The following ODAD2 variants were observed in gnomAD, a reference collection of about 807,000 sequenced individuals.
ODAD2 encodes the protein outer dynein arm-docking complex subunit 2.
A neutral mutation model predicts 106.8 loss-of-function variants in ODAD2; 89 were observed. The observed-to-expected ratio is 0.83, with a 90% confidence interval of 0.70 to 0.99. The LOEUF is 0.99. ODAD2 is among the 50% of genes least tolerant of loss of function. The probability of loss-of-function intolerance (pLI) is 0.00; values close to 1 mark genes in which losing one functional copy is unlikely to be tolerated. For missense variants in ODAD2, 1,168 were observed against 1,238.5 expected, an observed-to-expected ratio of 0.94 and a Z score of 0.85; for synonymous variants, 404 against 436.2, an observed-to-expected ratio of 0.93 and a Z score of 0.92.
At chr10:27,933,390 A>G (rs1845739324) in intron 16 of ODAD2, among the ~76,000 whole-genome samples, 1 of 152,216 alleles carries the variant, frequency 6.6e-6, no homozygotes, top group Non-Finnish European at 1.5e-5. Context: ...TAGTATTAAA[A>G]TGGATTTTAG....
intron 19 of ODAD2, among the ~76,000 whole-genome samples, chr10:27,860,376 C>A (rs1839953377): frequency 6.6e-6 from 1 of 152,018 alleles, no homozygotes; most frequent in Admixed American, 6.6e-5. Context: ...TCACTTGAGC[C>A]CAGGAGTTCA....
chr10:27,937,339 C>CTTTTTTT (rs57375404), intron 14 of ODAD2, among the ~76,000 whole-genome samples: 1 of 132,768 alleles, frequency 7.5e-6, no homozygotes, highest in Non-Finnish European at 1.6e-5. Context: ...TTTCTTTTTT[C>CTTTTTTT]TTTTTTTTTT....
chr10:27,842,404 C>T (rs1838373758), intron 19 of ODAD2, among the ~76,000 whole-genome samples: 1 of 152,142 alleles, frequency 6.6e-6, no homozygotes, highest in South Asian at 2.1e-4. Flanking sequence ...AGACACTAAG[C>T]ATACATGATC....
chr10:27,893,826 T>C (rs1011846763), intron 17 of ODAD2, among the ~76,000 whole-genome samples: 2 of 152,198 alleles, frequency 1.3e-5, no homozygotes, highest in African/African-American at 4.8e-5. Flanking sequence ...AAAAAACATT[T>C]CCCATCCCTA....
intron 19 of ODAD2, among the ~76,000 whole-genome samples, chr10:27,851,275 G>A (rs1049423232): frequency 7.9e-5 from 12 of 152,008 alleles, no homozygotes; most frequent in African/African-American, 2.9e-4. Flanking sequence ...TGCTAACAAA[G>A]CATAAAAGTA....
At chr10:27,905,603 C>G (rs1175042608) in intron 17 of ODAD2, among the ~76,000 whole-genome samples, 1 of 152,140 alleles carries the variant, frequency 6.6e-6, no homozygotes, top group Non-Finnish European at 1.5e-5. Context: ...ATCACACTAC[C>G]TGACTTCAAA....
At chr10:27,862,724 G>T in intron 17 of ODAD2, 102 bp from the exon 18 acceptor site, 3 of 702,460 alleles carry the variant, frequency 4.3e-6, no homozygotes, top group Non-Finnish European at 6.6e-6. Context: ...TACATCTTTG[G>T]CATGAAAGAC....
chr10:27,932,268 C>T (rs1267269429), intron 16 of ODAD2, among the ~76,000 whole-genome samples: 1 of 151,912 alleles, frequency 6.6e-6, no homozygotes, highest in Non-Finnish European at 1.5e-5. Flanking sequence ...TAACACAAAG[C>T]CTATCTTATA....
chr10:27,839,278 T>C (rs1027833605), intron 19 of ODAD2, among the ~76,000 whole-genome samples: 1 of 152,176 alleles, frequency 6.6e-6, no homozygotes, highest in Non-Finnish European at 1.5e-5. Context: ...TCTCTAAAAA[T>C]ATGACACGCG....
intron 10 of ODAD2, among the ~76,000 whole-genome samples, chr10:27,948,779 A>ATTTGTTTTT (rs1847117361): frequency 2.5e-5 from 1 of 40,320 alleles, no homozygotes. Context: ...TGGCCTTTGG[A>ATTTGTTTTT]TTTTTTTTTT....
chr10:27,829,667 CT>C (rs1023237150), intron 19 of ODAD2, among the ~76,000 whole-genome samples: 3 of 152,214 alleles, frequency 2.0e-5, no homozygotes, highest in East Asian at 1.9e-4. Flanking sequence ...AAAAAGCCCC[CT>C]AATAATCCCC....
intron 10 of ODAD2, among the ~76,000 whole-genome samples, chr10:27,946,007 T>A (rs1320013509): frequency 6.8e-6 from 1 of 148,070 alleles, no homozygotes; most frequent in Non-Finnish European, 1.5e-5. Context: ...CATTATCTAT[T>A]GTGTATATAT....
At chr10:27,992,166 G>A (rs534469214) in intron 2 of ODAD2, among the ~76,000 whole-genome samples, 48 of 152,196 alleles carry the variant, frequency 3.2e-4, no homozygotes, top group African/African-American at 1.1e-3. Context: ...AGGCACTCTT[G>A]GTTTTCATCA....
At chr10:27,878,289 A>G (rs1841479868) in intron 17 of ODAD2, among the ~76,000 whole-genome samples, 2 of 152,354 alleles carry the variant, frequency 1.3e-5, no homozygotes, top group Non-Finnish European at 2.9e-5. Flanking sequence ...AAATAAGATG[A>G]AAAATATAAA....
intron 9 of ODAD2, among the ~76,000 whole-genome samples, chr10:27,963,782 T>G (rs1848310156): frequency 6.8e-6 from 1 of 146,598 alleles, no homozygotes; most frequent in South Asian, 2.3e-4. Context: ...ATGAATTTCA[T>G]TACCCTTTTT....
rs187423434 is a variant in ODAD2, at chr10:27,874,312, T to C, written c.2611-11690A>G. 5.3e-3 allele frequency among the ~76,000 whole-genome samples: 809 copies of C among 152,360 alleles called. 6 individuals carry two copies. Among genetic ancestry groups the C allele is most frequent in the African/African-American group, 0.018 (760 of 41,578 alleles). ...GATGGGTCTTGACTCTTTACCCACT[T>C]TGCCAGTCTGTGTCTTTTAATTGGA... On this transcript the variant is annotated intron_variant, in intron 17 of 19. Transcript: ENST00000305242.
chr10:27,877,460 CA>C (rs1482462951), intron 17 of ODAD2, among the ~76,000 whole-genome samples: 1 of 152,068 alleles, frequency 6.6e-6, no homozygotes, highest in African/African-American at 2.4e-5. Context: ...GACAGGGAAA[CA>C]TTAGGCTCAA....
chr10:27,909,591 G>A (rs986959669), intron 16 of ODAD2, among the ~76,000 whole-genome samples: 1 of 151,998 alleles, frequency 6.6e-6, no homozygotes, highest in African/African-American at 2.4e-5. Context: ...GCGAAGGCAG[G>A]CAGATCACTT....
At chr10:27,991,058 T>G (rs1850205768) in intron 2 of ODAD2, among the ~76,000 whole-genome samples, 1 of 152,218 alleles carries the variant, frequency 6.6e-6, no homozygotes, top group Non-Finnish European at 1.5e-5. Context: ...CAAAGTGCCT[T>G]GGTTCTATGT....
Sources: allele counts gnomAD v4.1 joint callset (sites outside exome capture counted in the v4.1 genomes callset), GRCh38; gene constraint gnomAD v4.1.1; transcripts MANE v1.5; gene names NCBI Gene and HGNC (gene_info 2026-07-23, HGNC 2026-07-21).